The following SGCD variants were observed in gnomAD, a reference collection of about 807,000 sequenced individuals.
SGCD encodes the protein sarcoglycan delta, also known as delta-sarcoglycan.
In SGCD, 18 loss-of-function variants were observed where a neutral mutation model predicts 36.6. That is an observed-to-expected ratio of 0.49 (90% CI 0.34 to 0.73). The LOEUF is 0.73. Ranked by LOEUF, SGCD falls within the 30% of genes least tolerant of loss-of-function variation. The pLI is 0.01. For missense variants in SGCD, 387 were observed against 346.7 expected, an observed-to-expected ratio of 1.12 and a Z score of -0.92; for synonymous variants, 133 against 130.6, an observed-to-expected ratio of 1.02 and a Z score of -0.12.
chr5:156,691,420 C>T (rs1374105711), intron 7 of SGCD, among the ~76,000 whole-genome samples: 1 of 151,974 alleles, frequency 6.6e-6, no homozygotes, highest in Non-Finnish European at 1.5e-5. Flanking sequence ...CAAAAAGCTC[C>T]CTTGTGCAGA....
intron 1 of SGCD, among the ~76,000 whole-genome samples, chr5:155,875,077 A>C (rs1755737252): frequency 1.3e-5 from 2 of 152,286 alleles, no homozygotes; most frequent in South Asian, 2.1e-4. Context: ...ACTGCTTGGC[A>C]CTAAAGCAAA....
intron 6 of SGCD, among the ~76,000 whole-genome samples, chr5:156,624,252 C>T (rs1232484145): frequency 6.6e-6 from 1 of 152,034 alleles, no homozygotes; most frequent in Non-Finnish European, 1.5e-5. Context: ...TTCCCCACTT[C>T]AATAACTTTG....
At chr5:156,377,795 T>C (rs1428328835) in intron 3 of SGCD, among the ~76,000 whole-genome samples, 1 of 152,192 alleles carries the variant, frequency 6.6e-6, no homozygotes, top group Non-Finnish European at 1.5e-5. Flanking sequence ...GAGTTAATTA[T>C]GTTGTTTCTG....
intron 1 of SGCD, among the ~76,000 whole-genome samples, chr5:156,008,217 G>T (rs529626282): frequency 6.6e-6 from 1 of 152,234 alleles, no homozygotes; most frequent in East Asian, 1.9e-4. Context: ...TGTTGGCAGG[G>T]TTATGCTGCT....
At chr5:155,813,036 A>AT in the SGCD span, among the ~76,000 whole-genome samples, 2 of 151,540 alleles carry the variant, frequency 1.3e-5, no homozygotes, top group Non-Finnish European at 2.9e-5. Flanking sequence ...TGATGATAGG[A>AT]TTTTTTTAAG....
chr5:156,205,427 A>G (rs948897504), intron 3 of SGCD, among the ~76,000 whole-genome samples: 12 of 152,130 alleles, frequency 7.9e-5, no homozygotes, highest in Admixed American at 7.2e-4. Flanking sequence ...GAAGAATAGT[A>G]GAAGAGAAGC....
chr5:156,677,912 T>C (rs897446786), intron 7 of SGCD, among the ~76,000 whole-genome samples: 3 of 152,206 alleles, frequency 2.0e-5, no homozygotes, highest in African/African-American at 7.2e-5. Context: ...GTGAAACACC[T>C]ATCTCCATGG....
intron 7 of SGCD, among the ~76,000 whole-genome samples, chr5:156,680,793 G>T (rs1293275933): frequency 6.6e-6 from 1 of 152,186 alleles, no homozygotes; most frequent in African/African-American, 2.4e-5. Context: ...TCAGCAGGGA[G>T]AGGTAACATT....
intron 7 of SGCD, among the ~76,000 whole-genome samples, chr5:156,742,809 G>T (rs575191704): frequency 6.6e-6 from 1 of 152,244 alleles, no homozygotes; most frequent in African/African-American, 2.4e-5. Flanking sequence ...AGGCAGGCAG[G>T]CAGGCAACGT....
At chr5:156,303,977 C>T (rs776953702) in intron 3 of SGCD, among the ~76,000 whole-genome samples, 43 of 151,888 alleles carry the variant, frequency 2.8e-4, no homozygotes, top group African/African-American at 9.0e-4. Flanking sequence ...GCTGGTGTCT[C>T]GCTAGGTCAT....
chr5:155,751,478 C>A, the SGCD span, among the ~76,000 whole-genome samples: 1 of 152,050 alleles, frequency 6.6e-6, no homozygotes, highest in Non-Finnish European at 1.5e-5. Flanking sequence ...CTTGATGTCC[C>A]CAGGCTCAGG....
intron 6 of SGCD, among the ~76,000 whole-genome samples, chr5:156,626,788 T>TC (rs59202982): frequency 4.6e-5 from 7 of 151,668 alleles, no homozygotes; most frequent in East Asian, 3.9e-4. Context: ...TATAATCCAC[T>TC]CCCCCCCACC....
At chr5:156,344,358 T>C (rs1244847481) in intron 2 of SGCD, 131 bp from the exon 3 acceptor site, 3 of 601,366 alleles carry the variant, frequency 5.0e-6, no homozygotes, top group South Asian at 2.6e-5. Flanking sequence ...ATTTTTAGAG[T>C]TGTCAGAGGG....
the SGCD span, among the ~76,000 whole-genome samples, chr5:155,838,911 A>G: frequency 1.5e-4 from 23 of 152,140 alleles, no homozygotes; most frequent in Non-Finnish European, 2.9e-4. Flanking sequence ...AATCAATCAG[A>G]GTTTTTAAGC....
intron 3 of SGCD, among the ~76,000 whole-genome samples, chr5:156,287,145 G>A (rs1388847210): frequency 6.6e-6 from 1 of 152,152 alleles, no homozygotes; most frequent in African/African-American, 2.4e-5. Context: ...CTTATACCTA[G>A]TACATGGGCT....
At chr5:156,245,440 T>C (rs868253304) in intron 3 of SGCD, among the ~76,000 whole-genome samples, 1 of 152,164 alleles carries the variant, frequency 6.6e-6, no homozygotes, top group Non-Finnish European at 1.5e-5. Flanking sequence ...GCAATAATAA[T>C]AAATGACTTA....
the SGCD span, among the ~76,000 whole-genome samples, chr5:155,821,633 C>T: frequency 3.3e-5 from 5 of 151,998 alleles, no homozygotes; most frequent in Non-Finnish European, 1.5e-5. Context: ...TTTTTAACAG[C>T]GACTGTTAGA....
At chr5:156,146,789 A>G (rs1762718630) in intron 3 of SGCD, among the ~76,000 whole-genome samples, 1 of 152,200 alleles carries the variant, frequency 6.6e-6, no homozygotes, top group African/African-American at 2.4e-5. Flanking sequence ...TAATTTAGTT[A>G]ATTGCTTCTG....
intron 1 of SGCD, among the ~76,000 whole-genome samples, chr5:156,059,062 C>A (rs1317431465): frequency 1.4e-5 from 2 of 144,312 alleles, no homozygotes; most frequent in African/African-American, 5.0e-5. Context: ...TTTTGTGCTT[C>A]CTCATAATTT....
Sources: gnomAD v4.1 joint callset for allele counts (sites outside exome capture counted in the v4.1 genomes callset) on GRCh38, gnomAD v4.1.1 for gene constraint, MANE v1.5 for transcripts, NCBI Gene and HGNC (gene_info 2026-07-23, HGNC 2026-07-21) for gene names.